SLC22A25: variants seen among roughly 807,000 people sequenced by gnomAD.
The protein encoded by SLC22A25 is solute carrier family 22 member 25.
A neutral mutation model predicts 45.9 loss-of-function variants in SLC22A25; 44 were observed. The ratio of observed to expected loss-of-function variants is 0.96; its 90% confidence interval spans 0.75 to 1.23. The LOEUF (loss-of-function observed/expected upper bound fraction) is 1.23. Ranked by LOEUF, SLC22A25 falls within the 50% of genes most tolerant of loss-of-function variation. The pLI, the probability that SLC22A25 is intolerant of heterozygous loss-of-function variation, is 0.00. For missense variants in SLC22A25, 800 were observed against 666.4 expected (o/e 1.20, Z -2.21); for synonymous variants, 283 against 238.6 (o/e 1.19, Z -1.72).
intron 7 of SLC22A25, among the ~76,000 whole-genome samples, chr11:63,188,262 G>C (rs1411891455): frequency 6.6e-6 from 1 of 152,108 alleles, no homozygotes; most frequent in Non-Finnish European, 1.5e-5. Context: ...CTTCTTCCTG[G>C]TTTAGTCTTG....
At chr11:63,171,797 A>G (rs890150467) in intron 9 of SLC22A25, among the ~76,000 whole-genome samples, 2 of 152,210 alleles carry the variant, frequency 1.3e-5, no homozygotes, top group Non-Finnish European at 2.9e-5. Context: ...GCAGAACTAG[A>G]AAAAACTACT....
rs140701963 is a variant in SLC22A25 at position 63,214,059 on chromosome 11, A to G, written c.830+3255T>C. Reference sequence around the variant, plus strand: ...TGTCATGGAAATCACAGCTAGAATGAACAAGTTGGTCCATGTTCCAGTTCA... The same window carrying G: ...TGTCATGGAAATCACAGCTAGAATGGACAAGTTGGTCCATGTTCCAGTTCA... On this transcript the variant is annotated intron_variant, in intron 7 of 11. Transcript: ENST00000306494. Among the ~76,000 whole-genome samples the G allele has an allele frequency of 4.6e-3, 706 of 152,308 alleles. 5 individuals are homozygous for G. The highest frequency in any genetic ancestry group is 0.016 in the African/African-American group (676 of 41,556).
chr11:63,210,629 A>T (rs1238177403), intron 7 of SLC22A25, among the ~76,000 whole-genome samples: 1 of 152,100 alleles, frequency 6.6e-6, no homozygotes, highest in Admixed American at 6.5e-5. Context: ...ACTGAGACAG[A>T]CTGGGCTCCA....
At chr11:63,203,778 C>A (rs1419600269) in intron 7 of SLC22A25, among the ~76,000 whole-genome samples, 3 of 152,062 alleles carry the variant, frequency 2.0e-5, no homozygotes, top group Non-Finnish European at 4.4e-5. Flanking sequence ...GCAAGACAGG[C>A]CAACATTCAA....
In SLC22A25 at chr11:63,159,927, A is replaced by G. The variant is rs2087520416; in HGVS notation, c.*3897T>C. Reference sequence around the variant, plus strand: ...GACTGGCAGCGTTTACTCCTGTCCTAGAGATTTGTGGAACTTTGAACTTGA... The same window carrying G: ...GACTGGCAGCGTTTACTCCTGTCCTGGAGATTTGTGGAACTTTGAACTTGA... On this transcript the variant is annotated 3_prime_UTR_variant, in exon 12 of 12. Coordinates refer to ENST00000306494, the MANE Select transcript of SLC22A25 (RefSeq NM_199352.6). 6.6e-6 allele frequency among the ~76,000 whole-genome samples: 1 copy of G among 152,196 alleles called. No homozygotes were observed. Among genetic ancestry groups the G allele is most frequent in the Non-Finnish European group, 1.5e-5 (1 of 68,032 alleles).
intron 5 of SLC22A25, among the ~76,000 whole-genome samples, chr11:63,222,368 A>G (rs1054064969): frequency 2.0e-5 from 3 of 151,836 alleles, no homozygotes; most frequent in Non-Finnish European, 4.4e-5. Context: ...TAGGTATTTA[A>G]TTTTATTTGT....
chr11:63,168,975 AAAAACCCTAC>A (rs1239844828), intron 9 of SLC22A25, among the ~76,000 whole-genome samples: 1 of 152,340 alleles, frequency 6.6e-6, no homozygotes, highest in East Asian at 1.9e-4. Flanking sequence ...ATCTCTCTGC[AAAAACCCTAC>A]AATCCAGAAG....
intron 1 of SLC22A25, among the ~76,000 whole-genome samples, chr11:63,240,490 A>T (rs1383911670): frequency 6.6e-6 from 1 of 152,248 alleles, no homozygotes; most frequent in African/African-American, 2.4e-5. Flanking sequence ...CTTCAATAAT[A>T]AATTAACCTA....
At chr11:63,193,332 T>A (rs1565089210) in intron 7 of SLC22A25, among the ~76,000 whole-genome samples, 1 of 152,152 alleles carries the variant, frequency 6.6e-6, no homozygotes, top group South Asian at 2.1e-4. Context: ...ACAGTCTGCC[T>A]CCTAAAGTGG....
intron 9 of SLC22A25, among the ~76,000 whole-genome samples, chr11:63,176,575 ATTTG>A (rs766140518): frequency 6.6e-6 from 1 of 151,954 alleles, no homozygotes; most frequent in African/African-American, 2.4e-5. Flanking sequence ...ACTAGATTGC[ATTTG>A]TTTATTAGCT....
In SLC22A25 at chr11:63,229,233, G is replaced by A. The variant is rs1288573039; in HGVS notation, c.402+18C>T. 1.3e-6 allele frequency: 2 copies of A among 1,502,848 alleles called. No homozygotes were observed. Among genetic ancestry groups the A allele is most frequent in the East Asian group, 2.3e-5 (1 of 43,904 alleles). The allele number at this position is 1,502,848 out of a possible 1,614,324, so 93.1% of individuals were successfully genotyped here. On this transcript the variant is annotated intron_variant, in intron 4 of 11. Transcript: ENST00000306494. Reference sequence around the variant, plus strand: ...CAGCCAGGTCATGTACACAAGAGAGGAAAATGAGGCCTCTTACCTTAGTCA... The same window carrying A: ...CAGCCAGGTCATGTACACAAGAGAGAAAAATGAGGCCTCTTACCTTAGTCA...
chr11:63,220,061 C>A (rs1001837428), intron 5 of SLC22A25: 16 of 1,208,878 alleles, frequency 1.3e-5, no homozygotes, highest in Non-Finnish European at 1.6e-5. Flanking sequence ...AGAGGGTACC[C>A]CAAACTTCTC....
At chr11:63,187,024 G>A (rs182767230) in intron 7 of SLC22A25, among the ~76,000 whole-genome samples, 1,690 of 152,182 alleles carry the variant, frequency 0.011, 69 homozygotes, top group Admixed American at 0.077. Context: ...ACTTGGCAAT[G>A]TGGGCTCTTT....
intron 3 of SLC22A25, among the ~76,000 whole-genome samples, chr11:63,230,490 T>C (rs1465259014): frequency 6.6e-6 from 1 of 152,230 alleles, no homozygotes; most frequent in Non-Finnish European, 1.5e-5. Flanking sequence ...TGTAATCTGA[T>C]ATTGTAAATA....
chr11:63,236,643 C>T (rs1416455966), intron 3 of SLC22A25, among the ~76,000 whole-genome samples: 1 of 151,722 alleles, frequency 6.6e-6, no homozygotes, highest in East Asian at 1.9e-4. Flanking sequence ...GTGCTGCACC[C>T]ACTGTCCTGC....
At chr11:63,198,927 AG>A (rs2089148956) in intron 7 of SLC22A25, among the ~76,000 whole-genome samples, 1 of 152,116 alleles carries the variant, frequency 6.6e-6, no homozygotes, top group Non-Finnish European at 1.5e-5. Flanking sequence ...GGAAATTTAT[AG>A]TACTAAATGC....
At chr11:63,206,668 C>T (rs981485399) in intron 7 of SLC22A25, among the ~76,000 whole-genome samples, 1 of 151,920 alleles carries the variant, frequency 6.6e-6, no homozygotes, top group Non-Finnish European at 1.5e-5. Context: ...ATTCTGTGCT[C>T]ATGGATAGAA....
At chr11:63,189,576 A>G (rs1018520373) in intron 7 of SLC22A25, among the ~76,000 whole-genome samples, 2 of 152,066 alleles carry the variant, frequency 1.3e-5, no homozygotes, top group Non-Finnish European at 2.9e-5. Context: ...TGTGAATTTG[A>G]TCTTGTTATT....
chr11:63,166,019 T>A (rs61928108), intron 10 of SLC22A25, 25 bp downstream of exon 10: 40,246 of 1,609,738 alleles, frequency 0.025, 634 homozygotes, highest in Middle Eastern at 0.053. Flanking sequence ...ACATTTTCTT[T>A]CTTCCACCTG....
Sources: gnomAD v4.1 joint callset for allele counts (sites outside exome capture counted in the v4.1 genomes callset) on GRCh38, gnomAD v4.1.1 for gene constraint, MANE v1.5 for transcripts, NCBI Gene and HGNC (gene_info 2026-07-23, HGNC 2026-07-21) for gene names.